The following ST8SIA4 variants were observed in gnomAD, a reference collection of about 807,000 sequenced individuals.
ST8SIA4 encodes CMP-N-acetylneuraminate-poly-alpha-2,8-sialyltransferase.
A neutral mutation model predicts 33.9 loss-of-function variants in ST8SIA4; 15 were observed. The observed-to-expected ratio is 0.44, with a 90% CI of 0.30 to 0.68. The LOEUF is 0.68. Among genes scored for constraint, ST8SIA4 ranks in the 30% least tolerant of loss-of-function variants. The pLI, the probability that ST8SIA4 is intolerant of heterozygous loss-of-function variation, is 0.10. For synonymous variants in ST8SIA4, 171 were observed against 151.2 expected, an observed-to-expected ratio of 1.13 and a Z score of -0.96; for missense variants, 321 against 428.0, an observed-to-expected ratio of 0.75 and a Z score of 2.21.
chr5:100,863,466 T>A (rs538084725), intron 3 of ST8SIA4, among the ~76,000 whole-genome samples: 3 of 152,270 alleles, frequency 2.0e-5, no homozygotes, highest in East Asian at 1.9e-4. Flanking sequence ...TTCCCTAAAA[T>A]AAAAAGTTGT....
At chr5:100,873,788 C>T (rs547090242) in intron 3 of ST8SIA4, among the ~76,000 whole-genome samples, 2 of 152,220 alleles carry the variant, frequency 1.3e-5, no homozygotes, top group South Asian at 4.1e-4. Flanking sequence ...TGCTCTCTGC[C>T]ATCACTCAAA....
intron 4 of ST8SIA4, among the ~76,000 whole-genome samples, chr5:100,831,957 A>T (rs1751272529): frequency 6.6e-6 from 1 of 152,174 alleles, no homozygotes; most frequent in Admixed American, 6.5e-5. Flanking sequence ...TACTCCCAGA[A>T]TCTAGAACCA....
At chr5:100,837,030 A>ACACACACACACCCC (rs1491491812) in intron 4 of ST8SIA4, among the ~76,000 whole-genome samples, 1 of 139,942 alleles carries the variant, frequency 7.1e-6, no homozygotes, top group African/African-American at 2.6e-5. Flanking sequence ...ACACACACAC[A>ACACACACACACCCC]CCGTAATACC....
At chr5:100,887,491 T>C (rs1259217336) in intron 2 of ST8SIA4, among the ~76,000 whole-genome samples, 1 of 152,090 alleles carries the variant, frequency 6.6e-6, no homozygotes, top group Non-Finnish European at 1.5e-5. Flanking sequence ...CACTAAATTT[T>C]AAGGTTACTT....
At chr5:100,881,897 T>C (rs1752433649) in intron 3 of ST8SIA4, among the ~76,000 whole-genome samples, 1 of 152,254 alleles carries the variant, frequency 6.6e-6, no homozygotes, top group South Asian at 2.1e-4. Context: ...ACCATAATTC[T>C]GAGGCCTCTC....
Position 100,903,032 on chromosome 5 carries a change from T to G in ST8SIA4, c.-77A>C. The G allele has an allele frequency of 9.7e-7, 1 of 1,036,114 alleles. No homozygotes were observed. Among genetic ancestry groups the G allele is most frequent in the Non-Finnish European group, 1.5e-6 (1 of 666,676 alleles). 64.2% of individuals were successfully genotyped at this position (1,036,114 alleles called of 1,614,324 possible). On this transcript the variant is annotated 5_prime_UTR_variant, in exon 1 of 5. Transcript: ENST00000231461. ...ATATAAAGGCTCCGTTTTGGGGAGA[T>G]AGTCGCGGGGGTGAAATCTGTAAAA...
Position 100,886,691 on chromosome 5 carries a change from C to G in ST8SIA4, c.246-91G>C, listed in dbSNP as rs1240006396. The G allele has an allele frequency of 2.8e-6, 3 of 1,056,512 alleles. No individual in the cohort carries two copies. The African/African-American group carries it at 4.8e-5, about 17-fold the overall frequency. The allele number at this position is 1,056,512 out of a possible 1,614,324, so 65.4% of individuals were successfully genotyped here. A position where few individuals can be genotyped will look rare whatever the true frequency, so the allele number is the denominator to read the frequency against. On this transcript the variant is annotated intron_variant, in intron 2 of 4. Coordinates refer to ENST00000231461, the MANE Select transcript of ST8SIA4 (RefSeq NM_005668.6). ...TTACAAAGTAACTTAAGACAAAATA[C>G]AAATTGGCAAACTATTAATCTTAGA...
At chr5:100,839,889 C>G (rs1751437645) in intron 4 of ST8SIA4, among the ~76,000 whole-genome samples, 1 of 151,786 alleles carries the variant, frequency 6.6e-6, no homozygotes, top group Non-Finnish European at 1.5e-5. Flanking sequence ...GCAGATGAGA[C>G]TCTGGGCTGC....
At chr5:100,873,129 A>T (rs1752232691) in intron 3 of ST8SIA4, among the ~76,000 whole-genome samples, 2 of 152,174 alleles carry the variant, frequency 1.3e-5, no homozygotes, top group African/African-American at 4.8e-5. Flanking sequence ...ATAAGTACAC[A>T]TTTAAGTGGC....
At chr5:100,866,808 T>A (rs1319731214) in intron 3 of ST8SIA4, among the ~76,000 whole-genome samples, 1 of 152,072 alleles carries the variant, frequency 6.6e-6, no homozygotes, top group Non-Finnish European at 1.5e-5. Context: ...AACCAAGCAG[T>A]CTACATCTGA....
At chr5:100,814,311 C>A (rs1452694933) in intron 4 of ST8SIA4, among the ~76,000 whole-genome samples, 3 of 152,004 alleles carry the variant, frequency 2.0e-5, no homozygotes, top group East Asian at 1.9e-4. Context: ...AGTAGAGTGA[C>A]TTTAAAAACT....
chr5:100,888,881 T>C (rs1298053131), intron 2 of ST8SIA4, among the ~76,000 whole-genome samples: 1 of 151,934 alleles, frequency 6.6e-6, no homozygotes, highest in East Asian at 1.9e-4. Context: ...CACCAGCTAG[T>C]TGAAAAAATA....
chr5:100,876,074 C>T (rs563215883), intron 3 of ST8SIA4, among the ~76,000 whole-genome samples: 1 of 152,054 alleles, frequency 6.6e-6, no homozygotes, highest in East Asian at 1.9e-4. Context: ...AGACATAAAG[C>T]CTAAAACTAT....
chr5:100,874,386 A>T (rs148451437), intron 3 of ST8SIA4, among the ~76,000 whole-genome samples: 1 of 152,258 alleles, frequency 6.6e-6, no homozygotes, highest in East Asian at 1.9e-4. Flanking sequence ...AGAAAAGCTA[A>T]AAACTTCATC....
At chr5:100,864,675 A>G (rs1171314169) in intron 3 of ST8SIA4, among the ~76,000 whole-genome samples, 1 of 151,180 alleles carries the variant, frequency 6.6e-6, no homozygotes, top group Non-Finnish European at 1.5e-5. Flanking sequence ...TGTCTCGTTC[A>G]TTACTTATTC....
intron 4 of ST8SIA4, among the ~76,000 whole-genome samples, chr5:100,824,097 G>C (rs1325536278): frequency 6.6e-6 from 1 of 152,120 alleles, no homozygotes; most frequent in East Asian, 1.9e-4. Context: ...TTGATGATTG[G>C]TTCTACTTGG....
At chr5:100,893,940 T>C (rs1053949172) in intron 2 of ST8SIA4, among the ~76,000 whole-genome samples, 1 of 152,156 alleles carries the variant, frequency 6.6e-6, no homozygotes, top group African/African-American at 2.4e-5. Flanking sequence ...CTCTTTCCAA[T>C]ATACCTTCAA....
rs57222657 is a variant in ST8SIA4, at chr5:100,817,109, A to ATTTT, written c.798-4984_798-4981dup. The stretch of plus-strand genomic sequence containing the variant: ...AGGCGCCCACTACAACACCCAGCTA[A>ATTTT]TTTTTTTTTTTTTTTTTTTTTTTTT... On this transcript the variant is annotated intron_variant, in intron 4 of 4. Coordinates refer to ENST00000231461, the MANE Select transcript of ST8SIA4 (RefSeq NM_005668.6). 9.8e-4 allele frequency among the ~76,000 whole-genome samples: 73 copies of ATTTT among 74,358 alleles called. 2 individuals carry two copies. Among genetic ancestry groups the ATTTT allele is most frequent in the East Asian group, 1.9e-3 (4 of 2,136 alleles). 48.8% of individuals were successfully genotyped at this position (74,358 alleles called of 152,430 possible). A position where few individuals can be genotyped will look rare whatever the true frequency, so the allele number is the denominator to read the frequency against.
At chr5:100,852,936 A>T (rs1265696612) in intron 4 of ST8SIA4, among the ~76,000 whole-genome samples, 1 of 152,212 alleles carries the variant, frequency 6.6e-6, no homozygotes, top group African/African-American at 2.4e-5. Flanking sequence ...TAATTGCAGT[A>T]CTTGGAAGAG....
Sources: gnomAD v4.1 joint callset for allele counts (sites outside exome capture counted in the v4.1 genomes callset) on GRCh38, gnomAD v4.1.1 for gene constraint, MANE v1.5 for transcripts, NCBI Gene and HGNC (gene_info 2026-07-23, HGNC 2026-07-21) for gene names.